The following SLC25A37 variants were observed in gnomAD, a reference collection of about 807,000 sequenced individuals.
The protein encoded by SLC25A37 is solute carrier family 25 member 37, also known as mitoferrin-1.
In SLC25A37, 17 loss-of-function variants were observed where a neutral mutation model predicts 31.0. That is an observed-to-expected ratio of 0.55 (90% confidence interval 0.38 to 0.82). The LOEUF is 0.82. SLC25A37 is among the 40% of genes least tolerant of loss of function. The probability of loss-of-function intolerance (pLI) is 0.00; values close to 1 mark genes in which losing one functional copy is unlikely to be tolerated. For missense variants in SLC25A37, 404 were observed against 465.8 expected, an observed-to-expected ratio of 0.87 and a Z score of 1.22; for synonymous variants, 222 against 193.0, an observed-to-expected ratio of 1.15 and a Z score of -1.24.
intron 1 of SLC25A37, 50 bp from the exon 2 acceptor site, chr8:23,566,058 A>C (rs1474323997): frequency 2.6e-6 from 4 of 1,527,140 alleles, no homozygotes; most frequent in Non-Finnish European, 3.5e-6. Flanking sequence ...CTTCTTTACC[A>C]TCCTGATTAA....
At chr8:23,530,706 A>G (rs1381778604) in intron 1 of SLC25A37, among the ~76,000 whole-genome samples, 1 of 152,242 alleles carries the variant, frequency 6.6e-6, no homozygotes, top group African/African-American at 2.4e-5. Flanking sequence ...CCCTGGGCAG[A>G]GTCTGGGGAA....
intron 1 of SLC25A37, among the ~76,000 whole-genome samples, chr8:23,532,387 GT>G (rs539900834): frequency 2.2e-3 from 342 of 152,288 alleles, no homozygotes; most frequent in Admixed American, 5.4e-3. Context: ...CTGGTGGCAG[GT>G]TTTCCATGAG....
chr8:23,570,184 C>T (rs1249264021), intron 3 of SLC25A37, among the ~76,000 whole-genome samples: 2 of 152,038 alleles, frequency 1.3e-5, no homozygotes, highest in Admixed American at 6.5e-5. Context: ...TATCGTGTGC[C>T]GCACGAGGCA....
intron 1 of SLC25A37, among the ~76,000 whole-genome samples, chr8:23,533,507 G>T (rs910474861): frequency 6.6e-6 from 1 of 152,224 alleles, no homozygotes; most frequent in Admixed American, 6.5e-5. Context: ...TTAGAGATGA[G>T]TTTTGTCCTG....
chr8:23,548,954 T>C (rs764502291), intron 1 of SLC25A37, among the ~76,000 whole-genome samples: 5 of 152,212 alleles, frequency 3.3e-5, no homozygotes, highest in Non-Finnish European at 5.9e-5. Context: ...TCACTACCTC[T>C]GCCCTAACTT....
chr8:23,565,193 A>G (rs1585201346), intron 1 of SLC25A37, among the ~76,000 whole-genome samples: 1 of 152,208 alleles, frequency 6.6e-6, no homozygotes, highest in Admixed American at 6.5e-5. Flanking sequence ...TTCAGAGTCT[A>G]CTGATTTAAA....
intron 1 of SLC25A37, among the ~76,000 whole-genome samples, chr8:23,555,359 G>A (rs1802336164): frequency 6.6e-6 from 1 of 152,068 alleles, no homozygotes; most frequent in African/African-American, 2.4e-5. Context: ...CTGTTCAAAT[G>A]GCTTCCTTCC....
At chr8:23,561,508 G>A (rs751142117) in intron 1 of SLC25A37, among the ~76,000 whole-genome samples, 1 of 152,230 alleles carries the variant, frequency 6.6e-6, no homozygotes, top group Non-Finnish European at 1.5e-5. Context: ...CTCTCTGGGC[G>A]ATTATTCCAG....
At chr8:23,563,360 A>C (rs184157454) in intron 1 of SLC25A37, among the ~76,000 whole-genome samples, 1 of 151,958 alleles carries the variant, frequency 6.6e-6, no homozygotes, top group East Asian at 1.9e-4. Context: ...CTAATTTCTT[A>C]TTTTTTTGTT....
Position 23,571,610 on chromosome 8 carries a change from T to TGAC in SLC25A37, c.773_774insACG (p.Cys258delinsTer), listed in dbSNP as rs749145723. On this transcript the variant is annotated stop_gained, in exon 4 of 4. Coordinates refer to ENST00000519973, the MANE Select transcript of SLC25A37 (RefSeq NM_016612.4). LOFTEE classifies it high-confidence loss of function. The stretch of plus-strand genomic sequence containing the variant: ...GGCCGCCACGACCCCCCTGGACGTC[T>TGAC]GTAAGACCCTTCTGAACACTCAGGA... 1 of 1,613,880 alleles carries TGAC rather than the reference T, an allele frequency of 6.2e-7. No homozygotes were observed. Among genetic ancestry groups the TGAC allele is most frequent in the South Asian group, 1.1e-5 (1 of 91,072 alleles).
rs531699888 is a variant in SLC25A37, at chr8:23,562,333, T to C, written c.211-3775T>C. ...AATGCGGTGACACGTGAACTTTGCA[T>C]TGATGTGAAAAGGTCCAAATTAAAG... is the stretch of plus-strand genomic sequence containing the variant. On this transcript the variant is annotated intron_variant, in intron 1 of 3. Coordinates refer to ENST00000519973, the MANE Select transcript of SLC25A37 (RefSeq NM_016612.4). 2.6e-5 allele frequency among the ~76,000 whole-genome samples: 4 copies of C among 152,330 alleles called. No homozygotes were observed. In the South Asian group the frequency reaches 6.2e-4, roughly 24 times the overall value.
At position 23,573,772 on chromosome 8, in the gene SLC25A37, G is replaced by C. The variant is rs1802921436; in HGVS notation, c.*1917G>C. The C allele has an allele frequency of 2.2e-6, 1 of 455,628 alleles. No individual in the cohort carries two copies. The highest frequency in any genetic ancestry group is 4.4e-6 in the Non-Finnish European group (1 of 226,192). The allele number at this position is 455,628 out of a possible 1,614,324, so 28.2% of individuals were successfully genotyped here. A position where few individuals can be genotyped will look rare whatever the true frequency, so the allele number is the denominator to read the frequency against. ...CAGCCCTTTGCAGCTGGGCTGTGGG[G>C]CTTGGCTGCTGCCCTGTCCCATCTG... On this transcript the variant is annotated 3_prime_UTR_variant, in exon 4 of 4. Transcript: ENST00000519973.
intron 1 of SLC25A37, among the ~76,000 whole-genome samples, chr8:23,539,574 C>A (rs1217450558): frequency 6.6e-6 from 1 of 152,168 alleles, no homozygotes; most frequent in Admixed American, 6.5e-5. Context: ...GGTGTGGGCC[C>A]CGTGAATTTA....
At chr8:23,566,547 T>C in intron 2 of SLC25A37, 1 of 1,319,590 alleles carries the variant, frequency 7.6e-7, no homozygotes. Context: ...CCCCTCCGCT[T>C]TCTGAAGCCT....
chr8:23,559,375 G>C (rs565544237), intron 1 of SLC25A37, among the ~76,000 whole-genome samples: 1 of 147,644 alleles, frequency 6.8e-6, no homozygotes, highest in Non-Finnish European at 1.5e-5. Flanking sequence ...GCGCGCGCGT[G>C]TGTGTGTTTA....
chr8:23,547,407 G>A (rs1802097453), intron 1 of SLC25A37, among the ~76,000 whole-genome samples: 1 of 152,204 alleles, frequency 6.6e-6, no homozygotes, highest in Non-Finnish European at 1.5e-5. Flanking sequence ...AGCTTGAGAT[G>A]ACCAGGGGCC....
At chr8:23,568,432 A>C in intron 3 of SLC25A37, 54 bp downstream of exon 3, 2 of 1,606,768 alleles carry the variant, frequency 1.2e-6, no homozygotes, top group Non-Finnish European at 8.5e-7. Flanking sequence ...AAGGGGCACA[A>C]AAAATGGTTG....
intron 1 of SLC25A37, among the ~76,000 whole-genome samples, chr8:23,538,380 C>CAAAAAAAAAAAA (rs1286476649): frequency 1.3e-3 from 14 of 10,710 alleles, no homozygotes; most frequent in South Asian, 4.7e-3. Flanking sequence ...GACTTCATCT[C>CAAAAAAAAAAAA]AAAAAAAAAA....
chr8:23,536,490 G>C (rs1431032471), intron 1 of SLC25A37, among the ~76,000 whole-genome samples: 2 of 151,996 alleles, frequency 1.3e-5, no homozygotes, highest in African/African-American at 2.4e-5. Flanking sequence ...GCGATCCTCA[G>C]TTTTCCTCTT....
Sources: allele counts gnomAD v4.1 joint callset (sites outside exome capture counted in the v4.1 genomes callset), GRCh38; gene constraint gnomAD v4.1.1; transcripts MANE v1.5; gene names NCBI Gene and HGNC (gene_info 2026-07-23, HGNC 2026-07-21).